Variants in PIK3CB observed in about 807,000 individuals in gnomAD.
The protein encoded by PIK3CB is phosphatidylinositol 4,5-bisphosphate 3-kinase catalytic subunit beta isoform.
A neutral mutation model predicts 136.8 loss-of-function variants in PIK3CB; 39 were observed. The ratio of observed to expected loss-of-function variants is 0.29; its 90% CI spans 0.22 to 0.37. The LOEUF is 0.37. Ranked by LOEUF, PIK3CB falls within the 10% of genes least tolerant of loss-of-function variation. PIK3CB has a pLI of 1.00. For missense variants in PIK3CB, 868 were observed against 1,275.4 expected (o/e 0.68, Z 4.87); for synonymous variants, 428 against 436.6 (o/e 0.98, Z 0.25).
chr3:138,793,901 T>C (rs1023260333), intron 2 of PIK3CB, among the ~76,000 whole-genome samples: 8 of 152,144 alleles, frequency 5.3e-5, no homozygotes, highest in Non-Finnish European at 1.2e-4. Context: ...GGCCACGTAG[T>C]GTTCTGTGGC....
chr3:138,656,644 A>G (rs1004875542), intron 22 of PIK3CB, among the ~76,000 whole-genome samples: 3 of 152,194 alleles, frequency 2.0e-5, no homozygotes, highest in African/African-American at 7.2e-5. Context: ...TCTGGGTTCT[A>G]TATTTGTGGT....
chr3:138,796,461 A>C lies in PIK3CB; in HGVS notation c.-17+2T>G, dbSNP rs1348793574. ...ATTAAAAATACAAAATTGGATACTT[A>C]CCTAAGAATGGTCGCCCCCATTTCA... On this transcript the variant is annotated splice_donor_variant, in intron 2 of 23. Transcript: ENST00000674063. LOFTEE classifies it low-confidence loss of function (5UTR_SPLICE). 6.6e-6 allele frequency: 1 copy of C among 151,778 alleles called. No individual in the cohort carries two copies. The highest frequency in any genetic ancestry group is 6.6e-5 in the Admixed American group (1 of 15,186). The allele number at this position is 151,778 out of a possible 1,614,324, so 9.4% of individuals were successfully genotyped here.
rs2045517455 is a variant in PIK3CB at position 138,753,837 on chromosome 3, C to T, written c.397+1917G>A. ...AAAAAAAAATCAAAAAGAACATGGC[C>T]TACTCTGTGGTACTTTTTGGATTAA... On this transcript the variant is annotated intron_variant, in intron 4 of 23. Transcript: ENST00000674063. 2.0e-5 allele frequency among the ~76,000 whole-genome samples: 3 copies of T among 152,092 alleles called. No homozygotes were observed. In the South Asian group the frequency reaches 6.2e-4, roughly 32 times the overall value.
chr3:138,791,183 C>T (rs1301201406), intron 2 of PIK3CB, among the ~76,000 whole-genome samples: 1 of 151,280 alleles, frequency 6.6e-6, no homozygotes, highest in Non-Finnish European at 1.5e-5. Flanking sequence ...TGCTGTGTCA[C>T]CCAGGCTGGA....
chr3:138,738,338 A>AT (rs1239447350), intron 5 of PIK3CB, among the ~76,000 whole-genome samples: 2 of 152,062 alleles, frequency 1.3e-5, no homozygotes, highest in East Asian at 1.9e-4. Context: ...CGCCTGGCTA[A>AT]TTTTTTGTAT....
chr3:138,792,633 T>C (rs1391357427), intron 2 of PIK3CB, among the ~76,000 whole-genome samples: 1 of 152,180 alleles, frequency 6.6e-6, no homozygotes, highest in African/African-American at 2.4e-5. Context: ...AGAAGTTTGA[T>C]TGAGATCAAA....
intron 4 of PIK3CB, among the ~76,000 whole-genome samples, chr3:138,745,225 A>T (rs1288155066): frequency 6.6e-6 from 1 of 152,084 alleles, no homozygotes; most frequent in Non-Finnish European, 1.5e-5. Flanking sequence ...TAAATTAGAG[A>T]TGTTGTGTTT....
intron 2 of PIK3CB, among the ~76,000 whole-genome samples, chr3:138,779,429 C>A (rs1326588921): frequency 2.3e-5 from 3 of 132,702 alleles, no homozygotes; most frequent in Non-Finnish European, 3.1e-5. Flanking sequence ...GTCACTCTGT[C>A]ACCCAGGATG....
intron 13 of PIK3CB, among the ~76,000 whole-genome samples, chr3:138,695,931 A>ATTTTT (rs34470924): frequency 5.4e-4 from 49 of 90,808 alleles, no homozygotes; most frequent in African/African-American, 2.1e-3. Context: ...AATTTTTTGT[A>ATTTTT]TTTTTTTTTT....
chr3:138,692,546 T>C (rs1443505964), intron 14 of PIK3CB, among the ~76,000 whole-genome samples: 5 of 152,314 alleles, frequency 3.3e-5, no homozygotes, highest in Admixed American at 6.5e-5. Flanking sequence ...ATTGTAAAAT[T>C]CATGCCCACT....
At chr3:138,741,604 G>A (rs945417514) in intron 5 of PIK3CB, among the ~76,000 whole-genome samples, 5 of 152,082 alleles carry the variant, frequency 3.3e-5, no homozygotes, top group Non-Finnish European at 5.9e-5. Context: ...TGAGGTGGGT[G>A]GATCATCTGA....
rs537371346 is a variant in PIK3CB at position 138,732,946 on chromosome 3, A to G, written c.1050+415T>C. ...CTCTCCTAGCAAATTCCTGTATAAA[A>G]TATCATTAACTATAGTCTTCGGGTT... On this transcript the variant is annotated intron_variant, in intron 8 of 23. Transcript: ENST00000674063. Among the ~76,000 whole-genome samples the G allele has an allele frequency of 7.2e-5, 11 of 151,888 alleles. No homozygotes were observed. The South Asian group carries it at 1.7e-3, about 23-fold the overall frequency.
intron 7 of PIK3CB, among the ~76,000 whole-genome samples, chr3:138,733,700 A>C (rs1006025096): frequency 6.6e-6 from 1 of 152,052 alleles, no homozygotes; most frequent in Non-Finnish European, 1.5e-5. Flanking sequence ...AACACGGTGA[A>C]ACCCCGTCTC....
intron 16 of PIK3CB, among the ~76,000 whole-genome samples, chr3:138,685,568 C>G (rs2043872086): frequency 6.6e-6 from 1 of 151,954 alleles, no homozygotes; most frequent in Non-Finnish European, 1.5e-5. Context: ...GTAGAAGTAA[C>G]TCTGAGGTTC....
chr3:138,832,631 A>G (rs1418712699), intron 1 of PIK3CB, among the ~76,000 whole-genome samples: 3 of 151,782 alleles, frequency 2.0e-5, no homozygotes, highest in Non-Finnish European at 2.9e-5. Flanking sequence ...GTCCGAGACC[A>G]CCCTGACCAA....
intron 4 of PIK3CB, among the ~76,000 whole-genome samples, chr3:138,752,457 A>G (rs1419105450): frequency 6.6e-6 from 1 of 152,258 alleles, no homozygotes; most frequent in Non-Finnish European, 1.5e-5. Flanking sequence ...CTCAAGTATT[A>G]AAAGTGAAAA....
intron 2 of PIK3CB, among the ~76,000 whole-genome samples, chr3:138,794,104 AG>A (rs1576417491): frequency 1.3e-5 from 2 of 152,148 alleles, no homozygotes; most frequent in African/African-American, 4.8e-5. Flanking sequence ...CTGGGATTAC[AG>A]GTGCCCGCCA....
intron 1 of PIK3CB, among the ~76,000 whole-genome samples, chr3:138,803,803 T>C (rs1230183035): frequency 6.6e-6 from 1 of 152,142 alleles, no homozygotes; most frequent in Non-Finnish European, 1.5e-5. Flanking sequence ...CTAAAATGCT[T>C]AGGCTCTCTA....
chr3:138,789,862 CA>C (rs2108811533), intron 2 of PIK3CB, among the ~76,000 whole-genome samples: 1 of 151,812 alleles, frequency 6.6e-6, no homozygotes, highest in East Asian at 1.9e-4. Context: ...AGCTAATTTT[CA>C]TATTTTTAGT....
Sources: allele counts gnomAD v4.1 joint callset (sites outside exome capture counted in the v4.1 genomes callset), GRCh38; gene constraint gnomAD v4.1.1; transcripts MANE v1.5; gene names NCBI Gene and HGNC (gene_info 2026-07-23, HGNC 2026-07-21).